Variants in HNF4G observed in about 807,000 individuals in gnomAD.
HNF4G encodes hepatocyte nuclear factor 4-gamma.
A neutral mutation model predicts 50.9 loss-of-function variants in HNF4G; 21 were observed. The ratio of observed to expected loss-of-function variants is 0.41; its 90% CI spans 0.29 to 0.59. The LOEUF is 0.59. Ranked by LOEUF, HNF4G falls within the 20% of genes least tolerant of loss-of-function variation. HNF4G has a pLI of 0.26. For synonymous variants in HNF4G, 198 were observed against 185.6 expected (o/e 1.07, Z -0.54); for missense variants, 527 against 559.4 (o/e 0.94, Z 0.58).
At position 75,549,538 on chromosome 8, in the gene HNF4G, A is replaced by T. The variant is rs575846217; in HGVS notation, c.383-1850A>T. On this transcript the variant is annotated intron_variant, in intron 3 of 9. Transcript: ENST00000396423. ...TACTGATTCACTCCAACTTACAAAAACTCACTCTTTCTTTTTTTTTTTTTT... is the reference window on the plus strand; with the variant it reads ...TACTGATTCACTCCAACTTACAAAATCTCACTCTTTCTTTTTTTTTTTTTT... 4.0e-5 allele frequency among the ~76,000 whole-genome samples: 6 copies of T among 150,876 alleles called. No individual in the cohort carries two copies. The South Asian group carries it at 1.3e-3, about 32-fold the overall frequency.
chr8:75,504,807 T>A (rs902625103), intron 2 of HNF4G, among the ~76,000 whole-genome samples: 1 of 152,182 alleles, frequency 6.6e-6, no homozygotes, highest in Non-Finnish European at 1.5e-5. Context: ...TAAAATGATC[T>A]CTTATTACTT....
chr8:75,433,503 A>G (rs932369738), intron 1 of HNF4G, among the ~76,000 whole-genome samples: 1 of 152,036 alleles, frequency 6.6e-6, no homozygotes, highest in South Asian at 2.1e-4. Flanking sequence ...ACTCAACAAG[A>G]AAATATGATT....
chr8:75,461,681 C>T (rs1370601214), intron 1 of HNF4G, among the ~76,000 whole-genome samples: 1 of 151,806 alleles, frequency 6.6e-6, no homozygotes, highest in Admixed American at 6.6e-5. Flanking sequence ...TGTCCCAAGA[C>T]CCCAAGTAGA....
intron 2 of HNF4G, among the ~76,000 whole-genome samples, chr8:75,514,049 G>A (rs947987774): frequency 3.3e-5 from 5 of 151,832 alleles, no homozygotes; most frequent in South Asian, 2.1e-4. Context: ...GATATGTATC[G>A]AAGGTTTGAA....
intron 2 of HNF4G, among the ~76,000 whole-genome samples, chr8:75,519,547 A>C (rs1404392093): frequency 6.6e-6 from 1 of 152,222 alleles, no homozygotes. Context: ...GTGGCTGAGG[A>C]GGCCTCACAT....
intron 1 of HNF4G, among the ~76,000 whole-genome samples, chr8:75,459,503 G>A (rs952663983): frequency 1.3e-5 from 2 of 152,220 alleles, no homozygotes; most frequent in African/African-American, 4.8e-5. Flanking sequence ...TAGGATTCTG[G>A]ATCATAAAAG....
intron 1 of HNF4G, among the ~76,000 whole-genome samples, chr8:75,442,541 C>A (rs1038589449): frequency 1.1e-4 from 16 of 151,704 alleles, no homozygotes; most frequent in African/African-American, 3.9e-4. Flanking sequence ...GTCACTGTCT[C>A]CAGCTTGGGC....
chr8:75,527,476 T>A (rs1806215579), intron 2 of HNF4G, among the ~76,000 whole-genome samples: 1 of 152,168 alleles, frequency 6.6e-6, no homozygotes, highest in African/African-American at 2.4e-5. Flanking sequence ...TCACAATGAC[T>A]TTGTAAAAAA....
chr8:75,479,477 G>A (rs552192504), intron 1 of HNF4G, among the ~76,000 whole-genome samples: 1 of 151,958 alleles, frequency 6.6e-6, no homozygotes, highest in South Asian at 2.1e-4. Flanking sequence ...TGTCTTTAGA[G>A]CCATACACTT....
In HNF4G at chr8:75,564,733, T is replaced by C. The variant is rs1337261485; in HGVS notation, c.*637T>C. 4 of 152,196 alleles carry C rather than the reference T, an allele frequency of 2.6e-5. No homozygotes were observed. Among genetic ancestry groups the C allele is most frequent in the Non-Finnish European group, 5.9e-5 (4 of 68,036 alleles). The allele number at this position is 152,196 out of a possible 1,614,324, so 9.4% of individuals were successfully genotyped here. ...TTTGAAATCTGACTTTCTTTGAAGATGTATGTTAAGCAAAAACATGTTGCT... is the reference window on the plus strand; with the variant it reads ...TTTGAAATCTGACTTTCTTTGAAGACGTATGTTAAGCAAAAACATGTTGCT... On this transcript the variant is annotated 3_prime_UTR_variant, in exon 10 of 10. Coordinates refer to ENST00000396423, the MANE Select transcript of HNF4G (RefSeq NM_004133.5).
At chr8:75,546,826 G>T (rs1200455807) in intron 2 of HNF4G, among the ~76,000 whole-genome samples, 1 of 152,114 alleles carries the variant, frequency 6.6e-6, no homozygotes, top group Admixed American at 6.6e-5. Flanking sequence ...TAATGCTGCT[G>T]TGTACATTTA....
At chr8:75,512,397 T>C (rs983030292) in intron 2 of HNF4G, among the ~76,000 whole-genome samples, 1 of 151,040 alleles carries the variant, frequency 6.6e-6, no homozygotes, top group Non-Finnish European at 1.5e-5. Flanking sequence ...TATTACCAAA[T>C]GACTCTCTTA....
chr8:75,550,296 T>TTCTC (rs1391414192), intron 3 of HNF4G, among the ~76,000 whole-genome samples: 3 of 151,768 alleles, frequency 2.0e-5, no homozygotes, highest in African/African-American at 4.8e-5. Flanking sequence ...ATCTATTTTA[T>TTCTC]TCTCTCTCTC....
chr8:75,418,515 T>G (rs1810695078), intron 1 of HNF4G, among the ~76,000 whole-genome samples: 1 of 152,182 alleles, frequency 6.6e-6, no homozygotes, highest in Admixed American at 6.5e-5. Flanking sequence ...TTATGTTTAC[T>G]TGTAGAAAGC....
chr8:75,490,948 AATTTGGTG>A (rs1812615440), intron 2 of HNF4G, among the ~76,000 whole-genome samples: 1 of 152,170 alleles, frequency 6.6e-6, no homozygotes, highest in South Asian at 2.1e-4. Flanking sequence ...CACTAGTATA[AATTTGGTG>A]ATTTAGGTCC....
chr8:75,449,717 C>T lies in HNF4G; in HGVS notation c.-143-40372C>T, dbSNP rs560855803. On this transcript the variant is annotated intron_variant, in intron 1 of 10. Coordinates refer to the HNF4G transcript ENST00000354370. Reference sequence around the variant, plus strand: ...AGAGACGGGGTTTCACCGTGTTAGCCCGGATGGTCTCGATCTCCTGACCTC... The same window carrying T: ...AGAGACGGGGTTTCACCGTGTTAGCTCGGATGGTCTCGATCTCCTGACCTC... Among the ~76,000 whole-genome samples the T allele has an allele frequency of 1.1e-3, 171 of 151,926 alleles. 2 individuals are homozygous for T. In the South Asian group the frequency reaches 0.017, roughly 15 times the overall value.
intron 3 of HNF4G, among the ~76,000 whole-genome samples, chr8:75,550,767 A>G (rs1463512808): frequency 6.6e-6 from 1 of 151,706 alleles, no homozygotes; most frequent in Non-Finnish European, 1.5e-5. Flanking sequence ...TGTATAATAT[A>G]TAGGATTTCT....
In HNF4G at chr8:75,551,411, A is replaced by C; in HGVS notation, c.406A>C (p.Ile136Leu). Reference sequence around the variant, plus strand: ...AGCTGTACAAAATGAACGTGACAGAATAAGCACCAGAAGAAGCACATTTGA... The same window carrying C: ...AGCTGTACAAAATGAACGTGACAGACTAAGCACCAGAAGAAGCACATTTGA... Reference protein sequence around the residue: ...KEAVQNERDRISTRRSTFDGS... With the variant: ...KEAVQNERDRLSTRRSTFDGS... Residue 136 changes from isoleucine to leucine, a missense_variant, in exon 4 of 10, where the codon ATA becomes CTA. Coordinates refer to ENST00000396423, the MANE Select transcript of HNF4G (RefSeq NM_004133.5). The C allele has an allele frequency of 1.2e-6, 2 of 1,612,026 alleles. No individual in the cohort carries two copies. Among genetic ancestry groups the C allele is most frequent in the Non-Finnish European group, 1.7e-6 (2 of 1,178,212 alleles).
upstream of HNF4G, among the ~76,000 whole-genome samples, chr8:75,536,125 A>T (rs1286429130): frequency 6.6e-6 from 1 of 151,954 alleles, no homozygotes; most frequent in East Asian, 1.9e-4. Context: ...GATTTCACTA[A>T]GTAAAAGTAA....
Sources: gnomAD v4.1 joint callset for allele counts (sites outside exome capture counted in the v4.1 genomes callset) on GRCh38, gnomAD v4.1.1 for gene constraint, MANE v1.5 for transcripts, NCBI Gene and HGNC (gene_info 2026-07-23, HGNC 2026-07-21) for gene names.